Variants in PLCB4 observed in about 807,000 individuals in gnomAD.
PLCB4 encodes 1-phosphatidylinositol 4,5-bisphosphate phosphodiesterase beta-4.
Under a neutral mutation model 178.8 loss-of-function variants are expected in PLCB4, and 77 were observed. The ratio of observed to expected loss-of-function variants is 0.43; its 90% CI spans 0.36 to 0.52. The LOEUF (loss-of-function observed/expected upper bound fraction) is 0.52. Ranked by LOEUF, PLCB4 falls within the 20% of genes least tolerant of loss-of-function variation. The pLI, the probability that PLCB4 is intolerant of heterozygous loss-of-function variation, is 0.00. For synonymous variants in PLCB4, 496 were observed against 490.8 expected (o/e 1.01, Z -0.14); for missense variants, 1,024 against 1,453.4 (o/e 0.70, Z 4.80).
intron 28 of PLCB4, among the ~76,000 whole-genome samples, chr20:9,425,674 C>A (rs2040948279): frequency 6.6e-6 from 1 of 152,208 alleles, no homozygotes; most frequent in African/African-American, 2.4e-5. Flanking sequence ...GTCATTGTGG[C>A]TGCTTACTTT....
chr20:9,208,867 T>G (rs541999646), intron 2 of PLCB4, among the ~76,000 whole-genome samples: 38 of 152,332 alleles, frequency 2.5e-4, no homozygotes, highest in African/African-American at 8.2e-4. Context: ...ATTAGTGTGG[T>G]TATGTATATG....
chr20:9,242,841 C>G (rs928719563), intron 3 of PLCB4, among the ~76,000 whole-genome samples: 4 of 152,116 alleles, frequency 2.6e-5, no homozygotes, highest in Non-Finnish European at 5.9e-5. Context: ...GGAGTGGGAT[C>G]TAGGCATCTG....
chr20:9,448,635 T>C (rs1196802095), intron 32 of PLCB4, among the ~76,000 whole-genome samples: 17 of 149,896 alleles, frequency 1.1e-4, no homozygotes, highest in African/African-American at 3.5e-4. Flanking sequence ...TTTTTTTTTT[T>C]CTCTCATTGG....
intron 1 of PLCB4, among the ~76,000 whole-genome samples, chr20:9,089,559 A>G (rs1464402787): frequency 6.6e-6 from 1 of 152,144 alleles, no homozygotes; most frequent in Non-Finnish European, 1.5e-5. Context: ...CCTTTGATCT[A>G]TATTTAATCA....
rs757937132 is a variant in PLCB4, at chr20:9,384,276, A to G, written c.929A>G (p.Glu310Gly). ...ENAPVFLDRL[E>G]LYQEMDHPLA... ...GCCCCAGTCTTCCTAGATCGTTTAGAACTTTACCAAGAAATGGACCATCCT... is the reference window on the plus strand; with the variant it reads ...GCCCCAGTCTTCCTAGATCGTTTAGGACTTTACCAAGAAATGGACCATCCT... The change falls in exon 14 of 40, where the codon GAA (glutamate) becomes GGA (glycine). Residue 310 changes from glutamate (E) to glycine (G), a missense_variant. This residue lies in a region of PLCB4 where 263 missense variants were observed against 417.4 expected (regional missense o/e 0.63). Coordinates refer to ENST00000378473, the MANE Select transcript of PLCB4 (RefSeq NM_001377142.1). The G allele has an allele frequency of 1.6e-5, 26 of 1,614,030 alleles. No homozygotes were observed. The highest frequency in any genetic ancestry group is 2.1e-5 in the Non-Finnish European group (25 of 1,179,990).
chr20:9,207,209 A>T (rs1333274197), intron 2 of PLCB4, among the ~76,000 whole-genome samples: 2 of 152,170 alleles, frequency 1.3e-5, no homozygotes, highest in Non-Finnish European at 2.9e-5. Context: ...AAATAAATAT[A>T]CATTTCTGTG....
Position 9,076,720 on chromosome 20 carries a change from A to T in PLCB4, c.-135+7514A>T, listed in dbSNP as rs140805267. On this transcript the variant is annotated intron_variant, in intron 1 of 39. Transcript: ENST00000378473. ...TTTCCTTGTTGCTTTTAAATGAGAG[A>T]CCACACTGGATCAAATGAAAATGCA... Among the ~76,000 whole-genome samples the T allele has an allele frequency of 2.8e-3, 422 of 152,294 alleles. 1 individual carries two copies. The highest frequency in any genetic ancestry group is 9.7e-3 in the African/African-American group (402 of 41,552).
chr20:9,193,908 A>G (rs1035130741), intron 2 of PLCB4, among the ~76,000 whole-genome samples: 5 of 152,166 alleles, frequency 3.3e-5, no homozygotes, highest in Non-Finnish European at 7.3e-5. Context: ...GTGTTAGACC[A>G]TTAGACCTCA....
rs78512845 is a variant in PLCB4 at position 9,072,133 on chromosome 20, A to T, written c.-135+2927A>T. On this transcript the variant is annotated intron_variant, in intron 1 of 39. Coordinates refer to ENST00000378473, the MANE Select transcript of PLCB4 (RefSeq NM_001377142.1). ...GAGACTTATCTGCCTGTTGGGAAAT[A>T]AATACAGCTTTTCATCGCTGGTGGG... Among the ~76,000 whole-genome samples the T allele has an allele frequency of 4.8e-3, 733 of 152,314 alleles. 6 individuals carry two copies. The highest frequency in any genetic ancestry group is 0.016 in the African/African-American group (681 of 41,564).
chr20:9,202,285 G>C (rs1296495655), intron 2 of PLCB4, among the ~76,000 whole-genome samples: 2 of 152,184 alleles, frequency 1.3e-5, no homozygotes, highest in African/African-American at 4.8e-5. Context: ...ATTGTTTTAT[G>C]TCTTGATTGT....
intron 28 of PLCB4, among the ~76,000 whole-genome samples, chr20:9,425,160 A>T (rs1568804179): frequency 6.6e-6 from 1 of 152,178 alleles, no homozygotes; most frequent in Non-Finnish European, 1.5e-5. Flanking sequence ...AGGATCAGAA[A>T]GGGGCACTGG....
intron 3 of PLCB4, among the ~76,000 whole-genome samples, chr20:9,242,799 C>G (rs1416590298): frequency 6.6e-6 from 1 of 152,112 alleles, no homozygotes; most frequent in African/African-American, 2.4e-5. Context: ...GATTCTCAGG[C>G]TCACCCCAGA....
chr20:9,431,806 G>A (rs1205720119), intron 28 of PLCB4, among the ~76,000 whole-genome samples: 3 of 151,906 alleles, frequency 2.0e-5, no homozygotes, highest in South Asian at 4.2e-4. Flanking sequence ...CACCGTGACC[G>A]GCCTCCGCTT....
At chr20:9,296,871 G>C (rs1418767831) in intron 3 of PLCB4, among the ~76,000 whole-genome samples, 1 of 152,110 alleles carries the variant, frequency 6.6e-6, no homozygotes, top group Non-Finnish European at 1.5e-5. Context: ...GGTTGGGGGA[G>C]GGGGAAGGGA....
At chr20:9,198,131 G>A (rs1327830558) in intron 2 of PLCB4, among the ~76,000 whole-genome samples, 1 of 152,190 alleles carries the variant, frequency 6.6e-6, no homozygotes, top group South Asian at 2.1e-4. Context: ...CCCTCTAGGT[G>A]TAGTCTCAGA....
At chr20:9,305,854 G>A (rs2094759202) in intron 3 of PLCB4, among the ~76,000 whole-genome samples, 1 of 152,124 alleles carries the variant, frequency 6.6e-6, no homozygotes, top group Admixed American at 6.6e-5. Context: ...CCTGATATCA[G>A]TCTCATCGTC....
At chr20:9,330,963 A>G (rs1026455561) in intron 4 of PLCB4, among the ~76,000 whole-genome samples, 42 of 152,210 alleles carry the variant, frequency 2.8e-4, no homozygotes, top group South Asian at 6.2e-4. Context: ...TGTCCCAGGT[A>G]CTTAGACATT....
intron 2 of PLCB4, among the ~76,000 whole-genome samples, chr20:9,203,390 G>T (rs546699331): frequency 2.6e-5 from 4 of 152,184 alleles, no homozygotes; most frequent in African/African-American, 9.6e-5. Flanking sequence ...CCTACCAGCA[G>T]GTTAGAAGTG....
chr20:9,192,436 G>A (rs1347567565), intron 2 of PLCB4, among the ~76,000 whole-genome samples: 1 of 152,014 alleles, frequency 6.6e-6, no homozygotes, highest in Non-Finnish European at 1.5e-5. Context: ...TGTGTGACCT[G>A]TGGAATTGCA....
Sources: allele counts gnomAD v4.1 joint callset (sites outside exome capture counted in the v4.1 genomes callset), GRCh38; gene constraint gnomAD v4.1.1; regional missense constraint gnomAD v4.1.1; transcripts MANE v1.5; gene names NCBI Gene and HGNC (gene_info 2026-07-23, HGNC 2026-07-21).